TEX9: variants seen among roughly 807,000 people sequenced by gnomAD.
The protein encoded by TEX9 is testis expressed 9, also known as testis-expressed protein 9.
TEX9 carries 74 observed loss-of-function variants against 59.6 expected under a neutral mutation model. The ratio of observed to expected loss-of-function variants is 1.24; its 90% CI spans 1.03 to 1.51. The LOEUF (loss-of-function observed/expected upper bound fraction) is 1.51, where lower values mean the gene tolerates loss of function less well. TEX9 is among the 40% of genes most tolerant of loss of function. The pLI, the probability that TEX9 is intolerant of heterozygous loss-of-function variation, is 0.00. For synonymous variants in TEX9, 186 were observed against 152.2 expected, an observed-to-expected ratio of 1.22 and a Z score of -1.64; for missense variants, 522 against 447.8, an observed-to-expected ratio of 1.17 and a Z score of -1.49.
chr15:56,318,723 A>G (rs2045834748), intron 1 of TEX9, among the ~76,000 whole-genome samples: 1 of 152,056 alleles, frequency 6.6e-6, no homozygotes, highest in Non-Finnish European at 1.5e-5. Context: ...TGGAGATTGC[A>G]GTTAACATCT....
intron 12 of TEX9, chr15:56,444,005 T>C: frequency 6.1e-6 from 4 of 651,174 alleles, no homozygotes; most frequent in Non-Finnish European, 9.9e-6. Flanking sequence ...GTGCTAAATA[T>C]AATGTCAGGT....
At chr15:56,434,515 A>G in intron 12 of TEX9, 1 of 1,075,028 alleles carries the variant, frequency 9.3e-7, no homozygotes, top group Non-Finnish European at 1.3e-6. Context: ...AAACTGAAAA[A>G]GTAAGGCTTT....
chr15:56,277,123 G>A (rs1007185786), intron 1 of TEX9, among the ~76,000 whole-genome samples: 1 of 152,030 alleles, frequency 6.6e-6, no homozygotes, highest in Non-Finnish European at 1.5e-5. Context: ...TAGGTTGCCT[G>A]TTCAGTCTGA....
chr15:56,361,442 T>C (rs2046787157), upstream of TEX9, among the ~76,000 whole-genome samples: 1 of 152,232 alleles, frequency 6.6e-6, no homozygotes, highest in Non-Finnish European at 1.5e-5. Flanking sequence ...CCTCTAGATA[T>C]TTACTTGATC....
At chr15:56,374,550 A>G (rs2047338300) in intron 3 of TEX9, 1 of 152,200 alleles carries the variant, frequency 6.6e-6, no homozygotes, top group African/African-American at 2.4e-5. Flanking sequence ...AAAAAATCCA[A>G]TTATACTATT....
intron 12 of TEX9, among the ~76,000 whole-genome samples, chr15:56,431,793 C>T (rs1185672995): frequency 3.3e-5 from 5 of 151,848 alleles, no homozygotes; most frequent in South Asian, 4.1e-4. Flanking sequence ...CTGCCTAATA[C>T]AGTAAATATT....
intron 1 of TEX9, among the ~76,000 whole-genome samples, chr15:56,260,032 T>A (rs2044228184): frequency 1.3e-5 from 2 of 152,134 alleles, no homozygotes; most frequent in Non-Finnish European, 2.9e-5. Flanking sequence ...TTGTTTAAAA[T>A]TTTTTATTTA....
chr15:56,259,931 G>A (rs1334154273), intron 1 of TEX9, among the ~76,000 whole-genome samples: 2 of 151,962 alleles, frequency 1.3e-5, no homozygotes, highest in Admixed American at 6.6e-5. Context: ...TCTTTGAAAT[G>A]TTTTGCCGTT....
rs537884826 is a variant in TEX9 at position 56,391,851 on chromosome 15, C to G, written c.571+433C>G. ...TTATTGCATGTTAAATCAACACATG[C>G]AAAAGGACAAATGAATTGACATTGC... is the stretch of plus-strand genomic sequence containing the variant. On this transcript the variant is annotated intron_variant, in intron 7 of 12. Transcript: ENST00000352903. Among the ~76,000 whole-genome samples the G allele has an allele frequency of 7.9e-5, 12 of 152,050 alleles. No individual in the cohort carries two copies. The South Asian group carries it at 2.5e-3, about 32-fold the overall frequency.
chr15:56,365,498 C>A lies in TEX9; in HGVS notation c.27+21C>A, dbSNP rs201023340. On this transcript the variant is annotated intron_variant, in intron 1 of 12. Coordinates refer to ENST00000352903, the Ensembl canonical transcript of TEX9. Reference sequence around the variant, plus strand: ...TCACGGTCAGTTCAACTCCAGGCTCCTGGGGAGCGTCTGGGTTCCGGCGAC... The same window carrying A: ...TCACGGTCAGTTCAACTCCAGGCTCATGGGGAGCGTCTGGGTTCCGGCGAC... 2.2e-5 allele frequency: 36 copies of A among 1,614,190 alleles called. No individual in the cohort carries two copies. The East Asian group carries it at 2.5e-4, about 11-fold the overall frequency.
At chr15:56,330,188 C>T (rs899455074) in intron 1 of TEX9, among the ~76,000 whole-genome samples, 9 of 152,182 alleles carry the variant, frequency 5.9e-5, no homozygotes, top group Non-Finnish European at 1.0e-4. Context: ...TGAAAATATA[C>T]TTCAAACATG....
In TEX9 at chr15:56,389,296, A is replaced by C. The variant is rs377237972; in HGVS notation, c.313-22A>C. The C allele has an allele frequency of 7.6e-6, 12 of 1,582,576 alleles. No individual in the cohort carries two copies. The African/African-American group carries it at 1.4e-4, about 18-fold the overall frequency. Reference sequence around the variant, plus strand: ...AATGATTAGACTCTAATTAGTCAATACTTTCAATTCTTTTCATGTAGCCAA... The same window carrying C: ...AATGATTAGACTCTAATTAGTCAATCCTTTCAATTCTTTTCATGTAGCCAA... On this transcript the variant is annotated intron_variant, in intron 5 of 12. Coordinates refer to ENST00000352903, the Ensembl canonical transcript of TEX9.
At chr15:56,411,707 T>G (rs2049358328) in intron 9 of TEX9, among the ~76,000 whole-genome samples, 2 of 152,182 alleles carry the variant, frequency 1.3e-5, no homozygotes, top group Non-Finnish European at 2.9e-5. Context: ...TCATGTTTCT[T>G]CAGGTGTTGG....
chr15:56,250,189 T>A (rs2043981633), intron 1 of TEX9, among the ~76,000 whole-genome samples: 1 of 152,228 alleles, frequency 6.6e-6, no homozygotes, highest in African/African-American at 2.4e-5. Flanking sequence ...CTTGCAAATT[T>A]ATACTTCCTA....
At chr15:56,401,262 G>A (rs901607489) in intron 9 of TEX9, among the ~76,000 whole-genome samples, 19 of 130,678 alleles carry the variant, frequency 1.5e-4, no homozygotes, top group South Asian at 1.1e-3. Context: ...ACACACACAG[G>A]CTCAAAATAA....
intron 1 of TEX9, among the ~76,000 whole-genome samples, chr15:56,335,474 A>G (rs896157931): frequency 5.3e-5 from 8 of 152,082 alleles, no homozygotes; most frequent in African/African-American, 1.9e-4. Flanking sequence ...ATGGAGATAG[A>G]GAATAGAAGG....
chr15:56,430,111 G>A (rs2050536033), intron 12 of TEX9: 1 of 152,136 alleles, frequency 6.6e-6, no homozygotes. Flanking sequence ...ATATGCACTT[G>A]ATTCTACTGA....
At chr15:56,264,958 T>C (rs1339380401) in intron 1 of TEX9, among the ~76,000 whole-genome samples, 2 of 152,226 alleles carry the variant, frequency 1.3e-5, no homozygotes, top group Non-Finnish European at 2.9e-5. Context: ...CACTGTTGTT[T>C]ATGTCTGTCC....
At chr15:56,363,903 G>T (rs2046841607), upstream of TEX9, among the ~76,000 whole-genome samples, 1 of 150,230 alleles carries the variant, frequency 6.7e-6, no homozygotes, top group Non-Finnish European at 1.5e-5. Flanking sequence ...GGCTGGTCTG[G>T]AACTCCTGGG....
Sources: gnomAD v4.1 joint callset for allele counts (sites outside exome capture counted in the v4.1 genomes callset) on GRCh38, gnomAD v4.1.1 for gene constraint, MANE v1.5 for transcripts, NCBI Gene and HGNC (gene_info 2026-07-23, HGNC 2026-07-21) for gene names.